Variants in CRIM1 observed in about 807,000 individuals in gnomAD.
The protein encoded by CRIM1 is cysteine rich transmembrane BMP regulator 1.
CRIM1 carries 32 observed loss-of-function variants against 116.4 expected under a neutral mutation model. That is an observed-to-expected ratio of 0.27 (90% confidence interval 0.21 to 0.37). The LOEUF is 0.37. Ranked by LOEUF, CRIM1 falls within the 10% of genes least tolerant of loss-of-function variation. The pLI is 1.00. For missense variants in CRIM1, 1,331 were observed against 1,354.8 expected, an observed-to-expected ratio of 0.98 and a Z score of 0.28; for synonymous variants, 590 against 509.2, an observed-to-expected ratio of 1.16 and a Z score of -2.13.
chr2:36,482,028 G>T lies in CRIM1; in HGVS notation c.1372+2334G>T, dbSNP rs141583662. On this transcript the variant is annotated intron_variant, in intron 7 of 16. Coordinates refer to ENST00000280527, the MANE Select transcript of CRIM1 (RefSeq NM_016441.3). ...GACCTCAGGGGAAAGATGCCTTTGA[G>T]ATGCATCCCTGAGTTCACTTCTAGA... is the stretch of plus-strand genomic sequence containing the variant. 2.8e-3 allele frequency among the ~76,000 whole-genome samples: 426 copies of T among 152,302 alleles called. 3 individuals are homozygous for T. Among genetic ancestry groups the T allele is most frequent in the African/African-American group, 9.5e-3 (396 of 41,562 alleles).
intron 2 of CRIM1, among the ~76,000 whole-genome samples, chr2:36,431,153 C>T (rs932757334): frequency 6.6e-6 from 1 of 152,132 alleles, no homozygotes; most frequent in Non-Finnish European, 1.5e-5. Context: ...GGAGTGATTA[C>T]ATCTGTGCCT....
At position 36,550,667 on chromosome 2, in the gene CRIM1, GATTT is replaced by G. The variant is rs1038069329; in HGVS notation, c.*1970_*1973del. 54 of 152,526 alleles carry G rather than the reference GATTT, an allele frequency of 3.5e-4. No individual in the cohort carries two copies. The highest frequency in any genetic ancestry group is 2.3e-3 in the East Asian group (12 of 5,170). 9.4% of individuals were successfully genotyped at this position (152,526 alleles called of 1,614,324 possible). A position where few individuals can be genotyped will look rare whatever the true frequency, so the allele number is the denominator to read the frequency against. On this transcript the variant is annotated 3_prime_UTR_variant, in exon 17 of 17. Transcript: ENST00000280527. ...AGCTGTTTGCATCAAAGGAAAAAAA[GATTT>G]ATTATCAAGGGGCAATATTTTTATC...
At chr2:36,454,833 C>G (rs535634116) in intron 4 of CRIM1, among the ~76,000 whole-genome samples, 1 of 152,212 alleles carries the variant, frequency 6.6e-6, no homozygotes. Flanking sequence ...GAGTCCCCCT[C>G]TACTCTTCTA....
intron 2 of CRIM1, among the ~76,000 whole-genome samples, chr2:36,415,157 G>T (rs1347912180): frequency 6.6e-6 from 1 of 152,016 alleles, no homozygotes; most frequent in Non-Finnish European, 1.5e-5. Context: ...TGAGGTTGGG[G>T]GTAGACTTCA....
At chr2:36,477,826 G>T (rs976956911) in intron 6 of CRIM1, among the ~76,000 whole-genome samples, 1 of 152,240 alleles carries the variant, frequency 6.6e-6, no homozygotes, top group African/African-American at 2.4e-5. Flanking sequence ...AGATTAGGAT[G>T]TTGAAGTTCA....
chr2:36,423,233 C>A (rs1374495674), intron 2 of CRIM1, among the ~76,000 whole-genome samples: 1 of 152,132 alleles, frequency 6.6e-6, no homozygotes, highest in African/African-American at 2.4e-5. Context: ...GTAAGTAGTC[C>A]TATACTGGGG....
intron 4 of CRIM1, among the ~76,000 whole-genome samples, chr2:36,453,611 T>G (rs1676900921): frequency 6.6e-6 from 1 of 152,192 alleles, no homozygotes; most frequent in African/African-American, 2.4e-5. Flanking sequence ...GAGCAGATAT[T>G]TTGAGCATTT....
At position 36,497,192 on chromosome 2, in the gene CRIM1, C is replaced by T. The variant is rs139037502; in HGVS notation, c.1373-2027C>T. Among the ~76,000 whole-genome samples the T allele has an allele frequency of 6.6e-5, 10 of 152,072 alleles. No individual in the cohort carries two copies. The East Asian group carries it at 1.9e-3, about 29-fold the overall frequency. ...TTGGTATGTGTAGATATGCTTAAGA[C>T]ATTTCTTTACCCATAAGCTGTCCAG... On this transcript the variant is annotated intron_variant, in intron 7 of 16. Coordinates refer to ENST00000280527, the MANE Select transcript of CRIM1 (RefSeq NM_016441.3).
intron 1 of CRIM1, among the ~76,000 whole-genome samples, chr2:36,375,858 GT>G (rs1246277953): frequency 6.6e-6 from 1 of 152,216 alleles, no homozygotes; most frequent in Non-Finnish European, 1.5e-5. Flanking sequence ...TATTTGTAGA[GT>G]TTTAGTTGGA....
intron 1 of CRIM1, among the ~76,000 whole-genome samples, chr2:36,373,716 G>A (rs943717924): frequency 3.3e-5 from 5 of 152,204 alleles, no homozygotes; most frequent in Non-Finnish European, 7.3e-5. Context: ...TTGTCACAGT[G>A]AGAAAATGTC....
At chr2:36,471,781 A>G (rs1025916252) in intron 5 of CRIM1, among the ~76,000 whole-genome samples, 5 of 149,744 alleles carry the variant, frequency 3.3e-5, no homozygotes, top group African/African-American at 1.2e-4. Context: ...TGTTTTAAGA[A>G]AGTTTGCATT....
intron 5 of CRIM1, among the ~76,000 whole-genome samples, chr2:36,474,838 ACT>A (rs1310094487): frequency 2.3e-5 from 3 of 128,330 alleles, no homozygotes; most frequent in African/African-American, 9.3e-5. Context: ...ACAGAGTGAG[ACT>A]CTATATCAAA....
chr2:36,539,290 A>G (rs1666776433), intron 14 of CRIM1, among the ~76,000 whole-genome samples: 2 of 152,198 alleles, frequency 1.3e-5, no homozygotes, highest in Non-Finnish European at 2.9e-5. Context: ...GCCAGCGCCA[A>G]GGCCCTGGAG....
At chr2:36,502,318 A>G (rs187870368) in intron 8 of CRIM1, among the ~76,000 whole-genome samples, 21 of 152,320 alleles carry the variant, frequency 1.4e-4, no homozygotes, top group African/African-American at 3.1e-4. Context: ...AGTTGAGACT[A>G]TAAGGAGGAT....
chr2:36,545,919 T>C (rs1317092285), intron 15 of CRIM1, among the ~76,000 whole-genome samples: 1 of 152,118 alleles, frequency 6.6e-6, no homozygotes, highest in Admixed American at 6.6e-5. Flanking sequence ...TGCTGGAAAA[T>C]ATGTTTCTAT....
At chr2:36,444,825 C>G (rs1424269816) in intron 4 of CRIM1, among the ~76,000 whole-genome samples, 2 of 152,192 alleles carry the variant, frequency 1.3e-5, no homozygotes, top group Admixed American at 6.5e-5. Context: ...CCCGGACTCC[C>G]TTCTGCATAC....
At chr2:36,367,976 G>T (rs372867600) in intron 1 of CRIM1, among the ~76,000 whole-genome samples, 2 of 152,160 alleles carry the variant, frequency 1.3e-5, no homozygotes, top group East Asian at 1.9e-4. Context: ...AAGCTAGAGC[G>T]AAGACAGGCC....
chr2:36,531,126 C>G (rs753263596), intron 13 of CRIM1, among the ~76,000 whole-genome samples: 27 of 152,340 alleles, frequency 1.8e-4, no homozygotes, highest in Non-Finnish European at 2.5e-4. Flanking sequence ...GAGTAAATTA[C>G]TTTTCAGGAC....
chr2:36,471,083 A>G (rs1678474946), intron 5 of CRIM1, among the ~76,000 whole-genome samples: 1 of 152,212 alleles, frequency 6.6e-6, no homozygotes, highest in South Asian at 2.1e-4. Flanking sequence ...ATGTGACTGA[A>G]TTGCTGCAAT....
Sources: gnomAD v4.1 joint callset for allele counts (sites outside exome capture counted in the v4.1 genomes callset) on GRCh38, gnomAD v4.1.1 for gene constraint, MANE v1.5 for transcripts, NCBI Gene and HGNC (gene_info 2026-07-23, HGNC 2026-07-21) for gene names.